The following HSD17B12 variants were observed in gnomAD, a reference collection of about 807,000 sequenced individuals.
HSD17B12 encodes very-long-chain 3-oxoacyl-CoA reductase.
A neutral mutation model predicts 39.3 loss-of-function variants in HSD17B12; 32 were observed. That is an observed-to-expected ratio of 0.81 (90% CI 0.61 to 1.09). The LOEUF (loss-of-function observed/expected upper bound fraction) is 1.09. Ranked by LOEUF, HSD17B12 falls within the 50% of genes least tolerant of loss-of-function variation. The pLI, the probability that HSD17B12 is intolerant of heterozygous loss-of-function variation, is 0.00. For missense variants in HSD17B12, 342 were observed against 382.9 expected (o/e 0.89, Z 0.89); for synonymous variants, 150 against 146.7 (o/e 1.02, Z -0.16).
At chr11:43,754,198 A>G in intron 3 of HSD17B12, 77 bp downstream of exon 3, 2 of 941,074 alleles carry the variant, frequency 2.1e-6, no homozygotes, top group Non-Finnish European at 3.3e-6. Context: ...TGACATAGTT[A>G]TTTCTAGTTC....
At chr11:43,700,214 T>G (rs550453433) in intron 1 of HSD17B12, among the ~76,000 whole-genome samples, 31 of 152,212 alleles carry the variant, frequency 2.0e-4, no homozygotes, top group African/African-American at 6.5e-4. Flanking sequence ...TATATATATT[T>G]TTTTAATTTG....
At chr11:43,641,583 T>C in the HSD17B12 span, among the ~76,000 whole-genome samples, 9 of 152,004 alleles carry the variant, frequency 5.9e-5, no homozygotes, top group African/African-American at 1.9e-4. Context: ...AAATATTTTT[T>C]TGTAGGGTCA....
At chr11:43,601,176 T>G in the HSD17B12 span, among the ~76,000 whole-genome samples, 1 of 152,112 alleles carries the variant, frequency 6.6e-6, no homozygotes, top group African/African-American at 2.4e-5. Flanking sequence ...TATTTTTTCA[T>G]CTCATTCTGT....
Position 43,680,967 on chromosome 11 carries a change from C to A in HSD17B12, c.140C>A (p.Pro47Gln), listed in dbSNP as rs201719014. The A allele has an allele frequency of 1.2e-6, 2 of 1,606,124 alleles. No homozygotes were observed. The highest frequency in any genetic ancestry group is 1.7e-6 in the Non-Finnish European group (2 of 1,174,960). ...GTGGGGAATGAGGCGGGGGTCGGCC[C>A]GGGGCTCGGAGAATGGGCAGGTGAG... is the stretch of plus-strand genomic sequence containing the variant. Reference protein sequence around the residue: ...WGVGNEAGVGPGLGEWAVVTG... With the variant: ...WGVGNEAGVGQGLGEWAVVTG... Residue 47 changes from proline to glutamine, a missense_variant, in exon 1 of 11, where the codon CCG becomes CAG. Pro to Gln is a moderately conservative substitution (Grantham distance 76). Coordinates refer to ENST00000278353, the MANE Select transcript of HSD17B12 (RefSeq NM_016142.3).
At chr11:43,801,776 ATG>A (rs1950972069) in intron 4 of HSD17B12, among the ~76,000 whole-genome samples, 1 of 151,954 alleles carries the variant, frequency 6.6e-6, no homozygotes, top group Non-Finnish European at 1.5e-5. Flanking sequence ...AATAGAGAGA[ATG>A]TAAAGAGAAA....
intron 3 of HSD17B12, among the ~76,000 whole-genome samples, chr11:43,774,730 A>T (rs1270119234): frequency 6.6e-6 from 1 of 152,174 alleles, no homozygotes; most frequent in Admixed American, 6.5e-5. Flanking sequence ...CTCATTTGAG[A>T]CATGATCCAA....
At chr11:43,713,493 G>A (rs901738087) in intron 1 of HSD17B12, among the ~76,000 whole-genome samples, 1 of 152,044 alleles carries the variant, frequency 6.6e-6, no homozygotes, top group Non-Finnish European at 1.5e-5. Context: ...ATTCCATGGT[G>A]TATATGTGCC....
intron 9 of HSD17B12, among the ~76,000 whole-genome samples, chr11:43,845,340 G>A (rs1309739456): frequency 6.6e-6 from 1 of 152,206 alleles, no homozygotes; most frequent in Non-Finnish European, 1.5e-5. Flanking sequence ...AGATTTAACA[G>A]TGATACAATA....
At chr11:43,832,184 T>TAGATC (rs1469416133) in intron 7 of HSD17B12, among the ~76,000 whole-genome samples, 3 of 152,184 alleles carry the variant, frequency 2.0e-5, no homozygotes, top group African/African-American at 7.2e-5. Context: ...TGGCAGTGGT[T>TAGATC]AGACCAGACC....
intron 6 of HSD17B12, among the ~76,000 whole-genome samples, chr11:43,820,848 A>G (rs563376836): frequency 6.6e-6 from 1 of 152,330 alleles, no homozygotes; most frequent in African/African-American, 2.4e-5. Context: ...ATCTTATTGT[A>G]AGGCCTGTAC....
chr11:43,648,172 C>G, the HSD17B12 span, among the ~76,000 whole-genome samples: 4 of 151,854 alleles, frequency 2.6e-5, no homozygotes, highest in African/African-American at 4.8e-5. Context: ...GTTCAGTTTT[C>G]TCTCTCAGTG....
chr11:43,790,036 A>C (rs146609599), intron 3 of HSD17B12, among the ~76,000 whole-genome samples: 5 of 152,364 alleles, frequency 3.3e-5, no homozygotes, highest in African/African-American at 1.2e-4. Flanking sequence ...TCATGAAGCA[A>C]CAATGCAGCT....
intron 9 of HSD17B12, among the ~76,000 whole-genome samples, chr11:43,842,274 T>A (rs1257792780): frequency 3.3e-5 from 5 of 152,102 alleles, no homozygotes; most frequent in African/African-American, 1.2e-4. Context: ...GAGTAGATAC[T>A]GGTGGGAGCT....
At chr11:43,712,481 A>G (rs1368492953) in intron 1 of HSD17B12, among the ~76,000 whole-genome samples, 1 of 152,008 alleles carries the variant, frequency 6.6e-6, no homozygotes, top group African/African-American at 2.4e-5. Flanking sequence ...ATCTTAACCC[A>G]GAGATTTTTT....
At chr11:43,692,191 G>T (rs1949868845) in intron 1 of HSD17B12, among the ~76,000 whole-genome samples, 1 of 152,116 alleles carries the variant, frequency 6.6e-6, no homozygotes, top group African/African-American at 2.4e-5. Context: ...TGAGGTTCTG[G>T]TGTATTTCAA....
At chr11:43,603,016 G>A in the HSD17B12 span, among the ~76,000 whole-genome samples, 1 of 152,148 alleles carries the variant, frequency 6.6e-6, no homozygotes. Flanking sequence ...GGCACAGGGA[G>A]GCTGGATGTG....
chr11:43,629,743 G>C, the HSD17B12 span, among the ~76,000 whole-genome samples: 607 of 152,254 alleles, frequency 4.0e-3, 6 homozygotes, highest in Non-Finnish European at 6.8e-3. Context: ...CCACCGGGTT[G>C]GACTTCCAGC....
At chr11:43,599,658 T>A in the HSD17B12 span, among the ~76,000 whole-genome samples, 1 of 152,216 alleles carries the variant, frequency 6.6e-6, no homozygotes, top group African/African-American at 2.4e-5. Context: ...TAAAAATCAC[T>A]TCCTTGTTTT....
chr11:43,816,980 ATATATC>A (rs57362643), intron 6 of HSD17B12, among the ~76,000 whole-genome samples: 22,007 of 131,812 alleles, frequency 0.17, 2,096 homozygotes, highest in Admixed American at 0.26. Flanking sequence ...ATTCCATCAT[ATATATC>A]TATATCTATA....
Sources: gnomAD v4.1 joint callset for allele counts (sites outside exome capture counted in the v4.1 genomes callset) on GRCh38, gnomAD v4.1.1 for gene constraint, MANE v1.5 for transcripts, NCBI Gene and HGNC (gene_info 2026-07-23, HGNC 2026-07-21) for gene names.